DOCK3: variants seen among roughly 807,000 people sequenced by gnomAD.
DOCK3 encodes dedicator of cytokinesis protein 3.
A neutral mutation model predicts 265.6 loss-of-function variants in DOCK3; 60 were observed. That is an observed-to-expected ratio of 0.23 (90% CI 0.18 to 0.28). The LOEUF (loss-of-function observed/expected upper bound fraction) is 0.28. DOCK3 is among the 10% of genes least tolerant of loss of function. The probability of loss-of-function intolerance (pLI) is 1.00; values close to 1 mark genes in which losing one functional copy is unlikely to be tolerated. For missense variants in DOCK3, 1,981 were observed against 2,594.3 expected (o/e 0.76, Z 5.14); for synonymous variants, 881 against 938.0 (o/e 0.94, Z 1.11).
chr3:50,740,465 G>C (rs1280724401), intron 1 of DOCK3, among the ~76,000 whole-genome samples: 2 of 152,080 alleles, frequency 1.3e-5, no homozygotes, highest in Non-Finnish European at 2.9e-5. Flanking sequence ...CAAAACGATA[G>C]TATCATTTTT....
rs1359098900 is a variant in DOCK3, at chr3:51,029,067, A to G, written c.316-35381A>G. On this transcript the variant is annotated intron_variant, in intron 5 of 52. Transcript: ENST00000266037. ...TTTTTTAAAAATTTACTTTAATTTT[A>G]ATGGGCTTTTTTGATTTTTTATTCT... Among the ~76,000 whole-genome samples, 5 of 152,100 alleles carry G rather than the reference A, an allele frequency of 3.3e-5. No homozygotes were observed. In the South Asian group the frequency reaches 8.3e-4, roughly 25 times the overall value.
intron 27 of DOCK3, among the ~76,000 whole-genome samples, chr3:51,298,644 T>C (rs2082226083): frequency 1.3e-5 from 2 of 152,174 alleles, no homozygotes; most frequent in African/African-American, 2.4e-5. Context: ...CACCCACTTA[T>C]AAGTGAGAAC....
intron 9 of DOCK3, among the ~76,000 whole-genome samples, chr3:51,145,145 G>A (rs2085240956): frequency 6.6e-6 from 1 of 152,048 alleles, no homozygotes; most frequent in Admixed American, 6.5e-5. Flanking sequence ...TGTAGCTTTA[G>A]CTATAACACA....
At chr3:51,027,755 C>G (rs961532252) in intron 5 of DOCK3, among the ~76,000 whole-genome samples, 1 of 152,058 alleles carries the variant, frequency 6.6e-6, no homozygotes, top group Non-Finnish European at 1.5e-5. Flanking sequence ...ATAGGAATAG[C>G]ACCCCCTTCC....
intron 5 of DOCK3, among the ~76,000 whole-genome samples, chr3:50,972,754 C>T (rs982150974): frequency 3.3e-5 from 5 of 152,160 alleles, no homozygotes; most frequent in African/African-American, 7.2e-5. Flanking sequence ...TTTCTCTATG[C>T]TGTTATATTG....
chr3:50,995,853 G>C (rs2078261305), intron 5 of DOCK3, among the ~76,000 whole-genome samples: 1 of 152,144 alleles, frequency 6.6e-6, no homozygotes, highest in South Asian at 2.1e-4. Flanking sequence ...TGGTACGTCA[G>C]TTTATTTAGC....
At chr3:51,230,578 G>A (rs763916364) in intron 19 of DOCK3, among the ~76,000 whole-genome samples, 7 of 151,998 alleles carry the variant, frequency 4.6e-5, no homozygotes, top group African/African-American at 1.4e-4. Context: ...GTGCAGTGGC[G>A]CAATCTCGGC....
intron 3 of DOCK3, among the ~76,000 whole-genome samples, chr3:50,883,521 G>A (rs1160143881): frequency 6.6e-6 from 1 of 151,468 alleles, no homozygotes; most frequent in Non-Finnish European, 1.5e-5. Flanking sequence ...CTTTTTTTTA[G>A]GGTATTTCTG....
chr3:50,674,939 GC>G lies in DOCK3; in HGVS notation c.-324del, dbSNP rs1214226824. ...GCGGGCGTCCTGCGAGCCCGCTGGGGCGAGCCGAGCCGCGGCGGCGCCGGGA... is the reference window on the plus strand; with the variant it reads ...GCGGGCGTCCTGCGAGCCCGCTGGGGGAGCCGAGCCGCGGCGGCGCCGGGA... On this transcript the variant is annotated 5_prime_UTR_variant, in exon 1 of 53. Coordinates refer to ENST00000266037, the MANE Select transcript of DOCK3 (RefSeq NM_004947.5). This position sits in a 1 kb window ranked among gnomAD's most constrained non-coding sequence, Gnocchi z 4.3. The G allele has an allele frequency of 1.3e-5, 2 of 148,662 alleles. No homozygotes were observed. The highest frequency in any genetic ancestry group is 4.9e-5 in the African/African-American group (2 of 41,042). 9.2% of individuals were successfully genotyped at this position (148,662 alleles called of 1,614,324 possible).
intron 1 of DOCK3, among the ~76,000 whole-genome samples, chr3:50,717,148 A>C (rs2037167028): frequency 6.6e-6 from 1 of 152,152 alleles, no homozygotes; most frequent in Non-Finnish European, 1.5e-5. Flanking sequence ...GTTCTCTATT[A>C]ATGGATATTT....
chr3:51,199,779 C>A (rs923286694), intron 12 of DOCK3, among the ~76,000 whole-genome samples: 7 of 151,794 alleles, frequency 4.6e-5, no homozygotes, highest in Non-Finnish European at 7.4e-5. Context: ...CTGGGAGGCA[C>A]CCCCCAGTAG....
At chr3:50,835,569 A>C (rs888085183) in intron 2 of DOCK3, among the ~76,000 whole-genome samples, 1 of 152,226 alleles carries the variant, frequency 6.6e-6, no homozygotes, top group Non-Finnish European at 1.5e-5. Context: ...CTCATATCCT[A>C]CATAGAACAC....
At chr3:50,784,319 T>C (rs2042075545) in intron 2 of DOCK3, among the ~76,000 whole-genome samples, 1 of 152,262 alleles carries the variant, frequency 6.6e-6, no homozygotes, top group African/African-American at 2.4e-5. Context: ...CATTTGGCTA[T>C]AAGTATTTGG....
intron 1 of DOCK3, among the ~76,000 whole-genome samples, chr3:50,736,409 T>C (rs1375428291): frequency 2.0e-5 from 3 of 152,234 alleles, no homozygotes; most frequent in Non-Finnish European, 4.4e-5. Flanking sequence ...CATTTGGGCA[T>C]ATACCCAGTA....
intron 27 of DOCK3, among the ~76,000 whole-genome samples, chr3:51,302,206 T>A (rs1468387079): frequency 6.6e-6 from 1 of 152,204 alleles, no homozygotes; most frequent in Non-Finnish European, 1.5e-5. Context: ...TTTTTTTGTC[T>A]TTGTTGGTTT....
At chr3:51,343,031 A>G (rs1270228088) in intron 38 of DOCK3, among the ~76,000 whole-genome samples, 1 of 152,138 alleles carries the variant, frequency 6.6e-6, no homozygotes, top group African/African-American at 2.4e-5. Context: ...TCCTGATGAA[A>G]CTATTAGGTG....
At chr3:51,264,742 G>C (rs1449021238) in intron 23 of DOCK3, among the ~76,000 whole-genome samples, 4 of 151,930 alleles carry the variant, frequency 2.6e-5, no homozygotes, top group African/African-American at 7.3e-5. Flanking sequence ...CAGGAGAATG[G>C]CCTGAACCTG....
chr3:51,251,071 C>G (rs1304209970), intron 22 of DOCK3, among the ~76,000 whole-genome samples: 1 of 152,118 alleles, frequency 6.6e-6, no homozygotes, highest in Non-Finnish European at 1.5e-5. Flanking sequence ...ACCCTGTGTC[C>G]AAGTGTTCTC....
At chr3:51,191,571 C>T (rs2087951209) in intron 12 of DOCK3, among the ~76,000 whole-genome samples, 1 of 152,002 alleles carries the variant, frequency 6.6e-6, no homozygotes, top group Non-Finnish European at 1.5e-5. Flanking sequence ...GGCAGTGTCT[C>T]CCCTTCTCAC....
Sources: allele counts gnomAD v4.1 joint callset (sites outside exome capture counted in the v4.1 genomes callset), GRCh38; gene constraint gnomAD v4.1.1; non-coding constraint Gnocchi (gnomAD v3.1); transcripts MANE v1.5; gene names NCBI Gene and HGNC (gene_info 2026-07-23, HGNC 2026-07-21).